NEDD1: variants seen among roughly 807,000 people sequenced by gnomAD.
The protein encoded by NEDD1 is protein NEDD1.
A neutral mutation model predicts 74.0 loss-of-function variants in NEDD1; 33 were observed. The observed-to-expected ratio is 0.45, with a 90% CI of 0.34 to 0.60. The LOEUF is 0.60. Ranked by LOEUF, NEDD1 falls within the 20% of genes least tolerant of loss-of-function variation. NEDD1 has a pLI of 0.01. For synonymous variants in NEDD1, 250 were observed against 264.4 expected, an observed-to-expected ratio of 0.95 and a Z score of 0.53; for missense variants, 746 against 776.5, an observed-to-expected ratio of 0.96 and a Z score of 0.47.
chr12:96,942,483 A>G (rs1369440806), intron 10 of NEDD1, 94 bp from the exon 11 acceptor site: 1 of 697,704 alleles, frequency 1.4e-6, no homozygotes. Flanking sequence ...TAAGATTGTT[A>G]GTCTCTGAAC....
chr12:96,909,271 A>G (rs759390888), intron 2 of NEDD1, among the ~76,000 whole-genome samples: 8 of 152,132 alleles, frequency 5.3e-5, no homozygotes, highest in Non-Finnish European at 1.2e-4. Context: ...GTCCCTTACC[A>G]GGTAAGGAAG....
chr12:96,946,801 G>A (rs998770652), intron 14 of NEDD1, among the ~76,000 whole-genome samples: 3 of 152,162 alleles, frequency 2.0e-5, no homozygotes, highest in African/African-American at 7.2e-5. Context: ...GTTTGTTCGT[G>A]TAATAGCAGC....
At chr12:96,935,349 TTTC>T (rs1592910664) in intron 7 of NEDD1, 144 bp downstream of exon 7, 1 of 607,328 alleles carries the variant, frequency 1.6e-6, no homozygotes, top group East Asian at 2.7e-5. Flanking sequence ...AAGAAAGAAT[TTTC>T]TTCTTATGCA....
At chr12:96,933,046 T>G (rs1027404713) in intron 6 of NEDD1, among the ~76,000 whole-genome samples, 2 of 151,710 alleles carry the variant, frequency 1.3e-5, no homozygotes, top group African/African-American at 4.8e-5. Flanking sequence ...TCCCAAGAAC[T>G]TGAAGTAAGA....
At chr12:96,948,266 C>CTGAA (rs1442722885) in intron 14 of NEDD1, among the ~76,000 whole-genome samples, 1 of 152,102 alleles carries the variant, frequency 6.6e-6, no homozygotes, top group African/African-American at 2.4e-5. Context: ...TACATGAGCG[C>CTGAA]TGAATGAAGG....
At chr12:96,918,835 G>C (rs1874750026) in intron 5 of NEDD1, among the ~76,000 whole-genome samples, 1 of 152,108 alleles carries the variant, frequency 6.6e-6, no homozygotes, top group African/African-American at 2.4e-5. Flanking sequence ...TTCCCAAATG[G>C]GAACGATACC....
rs561746239 is a variant in NEDD1 at position 96,940,571 on chromosome 12, G to A, written c.1246+34G>A. On this transcript the variant is annotated intron_variant, in intron 10 of 15. Coordinates refer to ENST00000266742, the MANE Select transcript of NEDD1 (RefSeq NM_152905.4). Reference sequence around the variant, plus strand: ...GTTCAGAGGATCCTGTTCTCTTGCTGGTAGTTAATATTTTTATTCTGGCTA... The same window carrying A: ...GTTCAGAGGATCCTGTTCTCTTGCTAGTAGTTAATATTTTTATTCTGGCTA... The A allele has an allele frequency of 1.3e-5, 19 of 1,499,866 alleles. 1 individual carries two copies. The South Asian group carries it at 2.4e-4, about 19-fold the overall frequency. The allele number at this position is 1,499,866 out of a possible 1,614,324, so 92.9% of individuals were successfully genotyped here.
chr12:96,948,822 C>T (rs1226416549), intron 14 of NEDD1, among the ~76,000 whole-genome samples: 1 of 152,082 alleles, frequency 6.6e-6, no homozygotes, highest in Non-Finnish European at 1.5e-5. Flanking sequence ...TCTTTTTTAC[C>T]TTGGTGGGTC....
intron 3 of NEDD1, among the ~76,000 whole-genome samples, chr12:96,911,540 ATG>A (rs1233937014): frequency 6.6e-6 from 1 of 152,196 alleles, no homozygotes; most frequent in East Asian, 1.9e-4. Context: ...GATTCCAAGA[ATG>A]GGGTTAATGT....
Position 96,916,582 on chromosome 12 carries a change from A to G in NEDD1, c.232-1039A>G, listed in dbSNP as rs539341709. ...CATCCATGTCCCTACAAAGGACATG[A>G]ACTCATCATTTTTTATGGCTGCATA... On this transcript the variant is annotated intron_variant, in intron 4 of 15. Coordinates refer to ENST00000266742, the MANE Select transcript of NEDD1 (RefSeq NM_152905.4). Among the ~76,000 whole-genome samples, 197 of 146,998 alleles carry G rather than the reference A, an allele frequency of 1.3e-3. 1 individual carries two copies. The highest frequency in any genetic ancestry group is 4.7e-3 in the African/African-American group (187 of 39,424).
chr12:96,951,253 G>A (rs951673350), intron 14 of NEDD1, among the ~76,000 whole-genome samples, 179 bp from the exon 15 acceptor site: 1 of 151,826 alleles, frequency 6.6e-6, no homozygotes, highest in African/African-American at 2.4e-5. Context: ...TACATTTAAA[G>A]TAAAGGAAAC....
Position 96,909,788 on chromosome 12 carries a change from CAGG to C in NEDD1, c.32_34del (p.Gly11del). On this transcript the variant is annotated inframe_deletion, in exon 3 of 16. Transcript: ENST00000266742. ...CAGGAAAACCTCAGATTTGCTTCAT[CAGG>C]AGATGATATTAAAATATGGGATGCT... is the stretch of plus-strand genomic sequence containing the variant. 2 of 1,613,180 alleles carry C rather than the reference CAGG, an allele frequency of 1.2e-6. No homozygotes were observed. Among genetic ancestry groups the C allele is most frequent in the Non-Finnish European group, 1.7e-6 (2 of 1,179,380 alleles).
chr12:96,932,804 G>A, intron 6 of NEDD1, among the ~76,000 whole-genome samples: 1 of 151,648 alleles, frequency 6.6e-6, no homozygotes, highest in Non-Finnish European at 1.5e-5. Flanking sequence ...TGGCTACTGT[G>A]TACCTGATTC....
intron 2 of NEDD1, among the ~76,000 whole-genome samples, chr12:96,908,871 G>A (rs145751989): frequency 6.6e-6 from 1 of 152,124 alleles, no homozygotes; most frequent in African/African-American, 2.4e-5. Flanking sequence ...GACATTATAA[G>A]AACAAATAAA....
chr12:96,907,974 GAGCCCA>G, intron 2 of NEDD1, 118 bp downstream of exon 2: 1 of 848,730 alleles, frequency 1.2e-6, no homozygotes. Context: ...CAGTTTTTCT[GAGCCCA>G]GGCCTCAGTG....
chr12:96,907,823 C>G lies in NEDD1; in HGVS notation c.-42C>G. On this transcript the variant is annotated 5_prime_UTR_variant, in exon 2 of 16. Transcript: ENST00000266742. ...CGTCTTTGAGGGACTCATGTAAAGT[C>G]TCTCCCTTAATGCTCAGTTCTTAGA... 1 of 1,448,352 alleles carries G rather than the reference C, an allele frequency of 6.9e-7. No individual in the cohort carries two copies. The highest frequency in any genetic ancestry group is 9.1e-7 in the Non-Finnish European group (1 of 1,100,308). The allele number at this position is 1,448,352 out of a possible 1,614,324, so 89.7% of individuals were successfully genotyped here.
At chr12:96,945,888 C>CT in intron 14 of NEDD1, 39 bp downstream of exon 14, 1 of 1,362,226 alleles carries the variant, frequency 7.3e-7, no homozygotes, top group South Asian at 1.3e-5. Context: ...CTAGACCTTA[C>CT]TTGTTTTTTT....
intron 6 of NEDD1, among the ~76,000 whole-genome samples, chr12:96,932,891 C>T (rs774648479): frequency 6.6e-6 from 1 of 151,608 alleles, no homozygotes; most frequent in African/African-American, 2.4e-5. Context: ...TAGATGAGAA[C>T]GCTGAGTTTT....
At position 96,920,004 on chromosome 12, in the gene NEDD1, C is replaced by G. The variant is rs751732598; in HGVS notation, c.368C>G (p.Thr123Ser). 5.0e-6 allele frequency: 8 copies of G among 1,606,258 alleles called. No homozygotes were observed. Among genetic ancestry groups the G allele is most frequent in the Non-Finnish European group, 6.8e-6 (8 of 1,174,292 alleles). The change falls in exon 6 of 16, where the codon ACT (threonine) becomes AGT (serine). Residue 123 changes from threonine to serine, a missense_variant. By Grantham distance (58) the Thr-to-Ser change is moderately conservative (BLOSUM62 1). Around this residue, in one of 3 missense-constraint regions of NEDD1, gnomAD observed 706 missense variants for 706.7 expected, o/e 1.00. Transcript: ENST00000266742. ...TTTCAGGATCATAAAGATCAAGTAA[C>G]TTGTGTAACATACAATTGGAATGAT... ...RSLKDHKDQV[T>S]CVTYNWNDCY...
Sources: allele counts gnomAD v4.1 joint callset (sites outside exome capture counted in the v4.1 genomes callset), GRCh38; gene constraint gnomAD v4.1.1; regional missense constraint gnomAD v4.1.1; transcripts MANE v1.5; gene names NCBI Gene and HGNC (gene_info 2026-07-23, HGNC 2026-07-21).